The following SORCS1 variants were observed in gnomAD, a reference collection of about 807,000 sequenced individuals.
The protein encoded by SORCS1 is VPS10 domain-containing receptor SorCS1.
In SORCS1, 60 loss-of-function variants were observed where a neutral mutation model predicts 146.1. The observed-to-expected ratio is 0.41, with a 90% CI of 0.33 to 0.51. The LOEUF is 0.51. Among genes scored for constraint, SORCS1 ranks in the 20% least tolerant of loss-of-function variants. SORCS1 has a pLI of 0.21. For missense variants in SORCS1, 1,352 were observed against 1,487.6 expected, an observed-to-expected ratio of 0.91 and a Z score of 1.50; for synonymous variants, 637 against 584.0, an observed-to-expected ratio of 1.09 and a Z score of -1.31.
chr10:107,121,027 T>C (rs1047375464), intron 1 of SORCS1, among the ~76,000 whole-genome samples: 1 of 152,228 alleles, frequency 6.6e-6, no homozygotes, highest in Non-Finnish European at 1.5e-5. Flanking sequence ...AGGAGGTTCA[T>C]GTTAGAAGGT....
intron 1 of SORCS1, among the ~76,000 whole-genome samples, chr10:106,976,456 C>T (rs753432878): frequency 2.6e-5 from 4 of 151,596 alleles, no homozygotes; most frequent in African/African-American, 4.8e-5. Flanking sequence ...CTTAGCCTCC[C>T]GAGTAGCTGG....
At chr10:107,123,991 GC>G (rs1966552295) in intron 1 of SORCS1, among the ~76,000 whole-genome samples, 1 of 151,726 alleles carries the variant, frequency 6.6e-6, no homozygotes, top group African/African-American at 2.4e-5. Context: ...GGAGGCTGAG[GC>G]AGGAGAATGG....
intron 9 of SORCS1, among the ~76,000 whole-genome samples, chr10:106,698,913 C>T (rs1317627849): frequency 6.6e-6 from 1 of 152,150 alleles, no homozygotes. Flanking sequence ...CCAAACATCA[C>T]AAGCAGACCA....
chr10:107,181,031 T>C, the SORCS1 span, among the ~76,000 whole-genome samples: 2 of 152,178 alleles, frequency 1.3e-5, no homozygotes, highest in African/African-American at 2.4e-5. Flanking sequence ...GTATAAAATA[T>C]TATAAAATAG....
intron 1 of SORCS1, among the ~76,000 whole-genome samples, chr10:107,123,256 G>A (rs1037992869): frequency 3.3e-5 from 5 of 152,030 alleles, no homozygotes; most frequent in African/African-American, 1.2e-4. Flanking sequence ...TCACAGTTTT[G>A]CCCACATCTG....
At chr10:106,824,344 C>T (rs573013332) in intron 3 of SORCS1, among the ~76,000 whole-genome samples, 1 of 149,332 alleles carries the variant, frequency 6.7e-6, no homozygotes, top group African/African-American at 2.5e-5. Flanking sequence ...GTAATCCCAG[C>T]ACTTTGGGAG....
At chr10:106,919,739 C>T (rs577548451) in intron 2 of SORCS1, among the ~76,000 whole-genome samples, 4 of 152,294 alleles carry the variant, frequency 2.6e-5, no homozygotes, top group African/African-American at 7.2e-5. Flanking sequence ...AATAAAGTCA[C>T]ACTTTTTTCT....
chr10:107,053,382 G>T (rs970630398), intron 1 of SORCS1, among the ~76,000 whole-genome samples: 4 of 152,082 alleles, frequency 2.6e-5, no homozygotes, highest in Admixed American at 6.6e-5. Context: ...TTTAGTTCAA[G>T]AACAAAACAA....
intron 18 of SORCS1, among the ~76,000 whole-genome samples, chr10:106,641,321 A>G (rs1849057601): frequency 6.6e-6 from 1 of 152,186 alleles, no homozygotes; most frequent in African/African-American, 2.4e-5. Flanking sequence ...TGCACATATT[A>G]AATCTGTAAT....
At chr10:106,990,704 C>T (rs1338767942) in intron 1 of SORCS1, among the ~76,000 whole-genome samples, 1 of 152,180 alleles carries the variant, frequency 6.6e-6, no homozygotes, top group East Asian at 1.9e-4. Context: ...AAAATGTAGA[C>T]CTTCACATCT....
chr10:106,676,016 C>G (rs1318959739), intron 13 of SORCS1, among the ~76,000 whole-genome samples: 1 of 152,152 alleles, frequency 6.6e-6, no homozygotes, highest in East Asian at 1.9e-4. Flanking sequence ...ATAAGCCACC[C>G]AGTTTATGGT....
At chr10:106,786,183 C>G (rs906344942) in intron 3 of SORCS1, among the ~76,000 whole-genome samples, 1 of 152,154 alleles carries the variant, frequency 6.6e-6, no homozygotes, top group African/African-American at 2.4e-5. Context: ...TATTGTATAA[C>G]AATCTATCTC....
chr10:106,786,006 T>G (rs1946038103), intron 3 of SORCS1, among the ~76,000 whole-genome samples: 1 of 152,224 alleles, frequency 6.6e-6, no homozygotes, highest in South Asian at 2.1e-4. Context: ...TCCTCTCTCT[T>G]TTTGGATTTC....
At chr10:106,828,584 T>C (rs1007103340) in intron 3 of SORCS1, among the ~76,000 whole-genome samples, 3 of 152,224 alleles carry the variant, frequency 2.0e-5, no homozygotes, top group Non-Finnish European at 4.4e-5. Context: ...AGTGCTACCT[T>C]CATAACACAT....
At chr10:107,025,317 C>A (rs1958351297) in intron 1 of SORCS1, among the ~76,000 whole-genome samples, 2 of 152,194 alleles carry the variant, frequency 1.3e-5, no homozygotes, top group African/African-American at 4.8e-5. Context: ...AAGGAATCAA[C>A]CCCAATAAAT....
intron 2 of SORCS1, among the ~76,000 whole-genome samples, chr10:106,865,340 C>T (rs553939902): frequency 3.3e-5 from 5 of 152,270 alleles, no homozygotes; most frequent in East Asian, 1.9e-4. Flanking sequence ...TTGCAGCCTT[C>T]GCTGTTGATC....
intron 16 of SORCS1, 140 bp from the exon 17 acceptor site, chr10:106,667,942 G>T: frequency 3.3e-6 from 2 of 609,508 alleles, no homozygotes; most frequent in Non-Finnish European, 2.9e-6. Flanking sequence ...AAAAACACAA[G>T]CATTCCCTGA....
chr10:107,142,133 T>C (rs1967898418), intron 1 of SORCS1, among the ~76,000 whole-genome samples: 1 of 152,192 alleles, frequency 6.6e-6, no homozygotes, highest in African/African-American at 2.4e-5. Context: ...GGCTTGGCCC[T>C]CTTATTTGCT....
intron 1 of SORCS1, among the ~76,000 whole-genome samples, chr10:107,117,334 T>C (rs925912307): frequency 5.3e-5 from 8 of 152,172 alleles, no homozygotes; most frequent in African/African-American, 1.9e-4. Context: ...GAACAGACAT[T>C]ATTCTTCAAT....
Sources: allele counts gnomAD v4.1 joint callset (sites outside exome capture counted in the v4.1 genomes callset), GRCh38; gene constraint gnomAD v4.1.1; transcripts MANE v1.5; gene names NCBI Gene and HGNC (gene_info 2026-07-23, HGNC 2026-07-21).